EHBP1L1: variants seen among roughly 807,000 people sequenced by gnomAD.
The protein encoded by EHBP1L1 is EH domain-binding protein 1-like protein 1.
In EHBP1L1, 122 loss-of-function variants were observed where a neutral mutation model predicts 151.1. The observed-to-expected ratio is 0.81, with a 90% CI of 0.70 to 0.94. The LOEUF (loss-of-function observed/expected upper bound fraction) is 0.94, where lower values mean the gene tolerates loss of function less well. EHBP1L1 is among the 40% of genes least tolerant of loss of function. The probability of loss-of-function intolerance (pLI) is 0.00; values close to 1 mark genes in which losing one functional copy is unlikely to be tolerated. For missense variants in EHBP1L1, 1,941 were observed against 1,959.8 expected (o/e 0.99, Z 0.18); for synonymous variants, 878 against 810.1 (o/e 1.08, Z -1.42).
chr11:65,584,807 G>C, intron 11 of EHBP1L1, 152 bp from the exon 12 acceptor site: 1 of 1,145,526 alleles, frequency 8.7e-7, no homozygotes, highest in South Asian at 1.5e-5. Flanking sequence ...GGCGGGCCTT[G>C]TTGCTGGATT....
chr11:65,581,825 G>A lies in EHBP1L1; in HGVS notation c.1153G>A (p.Asp385Asn), dbSNP rs1370068870. The A allele has an allele frequency of 6.2e-7, 1 of 1,613,680 alleles. No homozygotes were observed. Among genetic ancestry groups the A allele is most frequent in the Admixed American group, 1.7e-5 (1 of 59,994 alleles). Residue 385 changes from aspartate (D) to asparagine (N), a missense_variant, in exon 9 of 19, where the codon GAC becomes AAC. Coordinates refer to ENST00000309295, the MANE Select transcript of EHBP1L1 (RefSeq NM_001099409.3). The stretch of plus-strand genomic sequence containing the variant: ...CAAGGCTGAAGAGATGGACACTGAG[G>A]ACAGGCCAGAGGCCAGTGGGGTGGA... ...RLKAEEMDTEDRPEASGVDTE... is the reference protein window; with the variant it reads ...RLKAEEMDTENRPEASGVDTE...
At chr11:65,580,939 G>A in intron 6 of EHBP1L1, 119 bp from the exon 7 acceptor site, 3 of 1,458,186 alleles carry the variant, frequency 2.1e-6, no homozygotes, top group South Asian at 1.4e-5. Context: ...CCGGGGCGGT[G>A]CCCTGAGGCC....
In EHBP1L1 at chr11:65,580,233, G is replaced by A; in HGVS notation, c.465G>A (p.Gly155=). ...CTGAGCTGAGCCTCACTCTTTCCGGGGTGCTGCTGCGGGAGGGCCGTGCCA... is the reference window on the plus strand; with the variant it reads ...CTGAGCTGAGCCTCACTCTTTCCGGAGTGCTGCTGCGGGAGGGCCGTGCCA... ...VQAELSLTLS[G]VLLREGRATD... Residue 155 remains glycine (G), a synonymous_variant, in exon 5 of 19, where the codon GGG becomes GGA. Coordinates refer to ENST00000309295, the MANE Select transcript of EHBP1L1 (RefSeq NM_001099409.3). 1 of 1,613,592 alleles carries A rather than the reference G, an allele frequency of 6.2e-7. No individual in the cohort carries two copies. The highest frequency in any genetic ancestry group is 8.5e-7 in the Non-Finnish European group (1 of 1,179,854).
Position 65,585,725 on chromosome 11 carries a change from CT to C in EHBP1L1, c.3933+135del. The stretch of plus-strand genomic sequence containing the variant: ...GGGTGACGGTTTCAGAGTGGCGGGG[CT>C]CGGCTGGACCCAGGAGGGGCTATCT... On this transcript the variant is annotated intron_variant, in intron 12 of 18. Coordinates refer to ENST00000309295, the MANE Select transcript of EHBP1L1 (RefSeq NM_001099409.3). The surrounding 1 kb of genome is among the most constrained non-coding windows in gnomAD (Gnocchi z 4.0). 7.2e-7 allele frequency: 1 copy of C among 1,391,606 alleles called. No homozygotes were observed. Among genetic ancestry groups the C allele is most frequent in the Non-Finnish European group, 9.6e-7 (1 of 1,037,658 alleles). 86.2% of individuals were successfully genotyped at this position (1,391,606 alleles called of 1,614,324 possible).
chr11:65,585,686 CAG>C lies in EHBP1L1; in HGVS notation c.3933+98_3933+99del. 1.3e-6 allele frequency: 2 copies of C among 1,498,928 alleles called. No individual in the cohort carries two copies. Among genetic ancestry groups the C allele is most frequent in the East Asian group, 5.1e-5 (2 of 39,186 alleles). The allele number at this position is 1,498,928 out of a possible 1,614,324, so 92.9% of individuals were successfully genotyped here. A position where few individuals can be genotyped will look rare whatever the true frequency, so the allele number is the denominator to read the frequency against. ...GCGAGCCCCCAAGGGGCCCCAAGGA[CAG>C]AGCTGGCGCGAGGGTGACGGTTTCA... is the stretch of plus-strand genomic sequence containing the variant. On this transcript the variant is annotated intron_variant, in intron 12 of 18. Coordinates refer to ENST00000309295, the MANE Select transcript of EHBP1L1 (RefSeq NM_001099409.3). The surrounding 1 kb of genome is among the most constrained non-coding windows in gnomAD (Gnocchi z 4.0).
chr11:65,585,721 G>A lies in EHBP1L1; in HGVS notation c.3933+130G>A, dbSNP rs73490444. 1.7e-3 allele frequency: 2,444 copies of A among 1,420,884 alleles called. 51 individuals are homozygous for A. The African/African-American group carries it at 0.032, about 19-fold the overall frequency. 88.0% of individuals were successfully genotyped at this position (1,420,884 alleles called of 1,614,324 possible). A position where few individuals can be genotyped will look rare whatever the true frequency, so the allele number is the denominator to read the frequency against. On this transcript the variant is annotated intron_variant, in intron 12 of 18. Transcript: ENST00000309295. This position sits in a 1 kb window ranked among gnomAD's most constrained non-coding sequence, Gnocchi z 4.0. ...GCGAGGGTGACGGTTTCAGAGTGGC[G>A]GGGCTCGGCTGGACCCAGGAGGGGC...
chr11:65,580,940 C>A, intron 6 of EHBP1L1, 118 bp from the exon 7 acceptor site: 1 of 1,459,010 alleles, frequency 6.9e-7, no homozygotes, highest in Admixed American at 2.6e-5. Context: ...CGGGGCGGTG[C>A]CCTGAGGCCA....
chr11:65,576,168 G>A lies in EHBP1L1; in HGVS notation c.-135G>A. ...CGGCGGCAGCGGAGAGCGCGGTCCC[G>A]GGTCGGAGCCTGGGACACCTCCGCA... is the stretch of plus-strand genomic sequence containing the variant. On this transcript the variant is annotated 5_prime_UTR_variant, in exon 1 of 19. Coordinates refer to ENST00000309295, the MANE Select transcript of EHBP1L1 (RefSeq NM_001099409.3). 2 of 646,086 alleles carry A rather than the reference G, an allele frequency of 3.1e-6. No homozygotes were observed. The highest frequency in any genetic ancestry group is 4.5e-6 in the Non-Finnish European group (2 of 448,612). 40.0% of individuals were successfully genotyped at this position (646,086 alleles called of 1,614,324 possible). A position where few individuals can be genotyped will look rare whatever the true frequency, so the allele number is the denominator to read the frequency against.
In EHBP1L1 at chr11:65,592,223, G is replaced by A. The variant is rs529730438; in HGVS notation, c.4493G>A (p.Arg1498His). The change falls in exon 19 of 19, where the codon CGC (arginine) becomes CAC (histidine). Residue 1498 changes from arginine to histidine, a missense_variant. By Grantham distance (29) the Arg-to-His change is conservative. Coordinates refer to ENST00000309295, the MANE Select transcript of EHBP1L1 (RefSeq NM_001099409.3). ...KERIALEEDE[R>H]LERGLEQRRR... ...CCCAGCGCCCTGGAGGAGGACGAGC[G>A]CCTGGAGCGCGGCCTGGAACAGCGG... 76 of 1,544,468 alleles carry A rather than the reference G, an allele frequency of 4.9e-5. No individual in the cohort carries two copies. The Admixed American group carries it at 5.0e-4, about 10-fold the overall frequency.
In EHBP1L1 at chr11:65,583,231, G is replaced by T. The variant is rs202141267; in HGVS notation, c.2559G>T (p.Gly853=). Residue 853 remains glycine, a synonymous_variant, in exon 9 of 19, where the codon GGG becomes GGT. Coordinates refer to ENST00000309295, the MANE Select transcript of EHBP1L1 (RefSeq NM_001099409.3). ...AGGTCGGGGGTTCAGGGATCTCAGG[G>T]CCCGAGGCTGGAATGGCAGAGGCCC... is the stretch of plus-strand genomic sequence containing the variant. The part of the protein sequence containing the change: ...ETEVGGSGIS[G]PEAGMAEARV... The T allele has an allele frequency of 4.7e-5, 76 of 1,613,502 alleles. No homozygotes were observed. The African/African-American group carries it at 8.9e-4, about 19-fold the overall frequency.
intron 12 of EHBP1L1, among the ~76,000 whole-genome samples, chr11:65,586,890 G>A (rs1394245603): frequency 6.6e-6 from 1 of 152,192 alleles, no homozygotes; most frequent in East Asian, 1.9e-4. Context: ...GTGTTTCCAA[G>A]TCAGGCCTTC....
intron 1 of EHBP1L1, chr11:65,578,199 C>T (rs1857419006): frequency 2.0e-5 from 3 of 152,438 alleles, no homozygotes; most frequent in South Asian, 2.1e-4. Flanking sequence ...TTTCTGATTG[C>T]CCTCCAGGCT....
intron 3 of EHBP1L1, among the ~76,000 whole-genome samples, 200 bp from the exon 4 acceptor site, chr11:65,579,736 A>G (rs927680404): frequency 2.6e-5 from 4 of 151,196 alleles, no homozygotes; most frequent in Admixed American, 2.6e-4. Flanking sequence ...CTGAGGCACG[A>G]GAATTGCTTG....
rs189592992 is a variant in EHBP1L1 at position 65,583,162 on chromosome 11, G to A, written c.2490G>A (p.Gly830=). ...GTQEIASRSS[G]VPGLESEVAG... ...AAGAGATAGCATCTAGGAGTTCAGG[G>A]GTCCCAGGGCTAGAATCTGAGGTAG... The change falls in exon 9 of 19, where the codon GGG becomes GGA. Residue 830 remains glycine (G), a synonymous_variant. Transcript: ENST00000309295. 24 of 1,613,018 alleles carry A rather than the reference G, an allele frequency of 1.5e-5. No homozygotes were observed. In the African/African-American group the frequency reaches 2.8e-4, roughly 19 times the overall value.
chr11:65,584,084 A>C (rs1857796484), intron 9 of EHBP1L1, 157 bp from the exon 10 acceptor site: 1 of 1,465,566 alleles, frequency 6.8e-7, no homozygotes, highest in Non-Finnish European at 8.9e-7. Flanking sequence ...TGGATCTAGA[A>C]ACCCTTTTAC....
In EHBP1L1 at chr11:65,576,056, A is replaced by C; in HGVS notation, c.-247A>C. The C allele has an allele frequency of 7.6e-6, 2 of 262,158 alleles. No individual in the cohort carries two copies. Among genetic ancestry groups the C allele is most frequent in the Non-Finnish European group, 1.4e-5 (2 of 140,268 alleles). The allele number at this position is 262,158 out of a possible 1,614,324, so 16.2% of individuals were successfully genotyped here. A position where few individuals can be genotyped will look rare whatever the true frequency, so the allele number is the denominator to read the frequency against. ...CTTCCGACGGGGGTGCGGCTCCAGG[A>C]AACGGCGCGCTCCCAGCTCCGCGCT... On this transcript the variant is annotated 5_prime_UTR_variant, in exon 1 of 19. Coordinates refer to ENST00000309295, the MANE Select transcript of EHBP1L1 (RefSeq NM_001099409.3).
At chr11:65,578,610 C>T (rs188298012) in intron 1 of EHBP1L1, among the ~76,000 whole-genome samples, 3 of 152,230 alleles carry the variant, frequency 2.0e-5, no homozygotes, top group Non-Finnish European at 4.4e-5. Flanking sequence ...CTCCTCTGTC[C>T]CCAAAACTGG....
In EHBP1L1 at chr11:65,582,110, C is replaced by G; in HGVS notation, c.1438C>G (p.Leu480Val). 6.2e-7 allele frequency: 1 copy of G among 1,602,010 alleles called. No homozygotes were observed. Among genetic ancestry groups the G allele is most frequent in the Non-Finnish European group, 8.5e-7 (1 of 1,174,262 alleles). ...TRDEAPSGLS[L>V]PPAEPAGHSG... ...GGATGAGGCTCCCTCAGGCCTGAGC[C>G]TGCCCCCAGCGGAGCCTGCAGGGCA... Residue 480 changes from leucine (L) to valine (V), a missense_variant, in exon 9 of 19, where the codon CTG becomes GTG. Transcript: ENST00000309295.
At position 65,583,210 on chromosome 11, in the gene EHBP1L1, CG is replaced by C; in HGVS notation, c.2543del (p.Gly848ValfsTer17). On this transcript the variant is annotated frameshift_variant, in exon 9 of 19. Transcript: ENST00000309295. LOFTEE classifies it high-confidence loss of function. ...EVAGAQETEVGGSGISGPEAG... is the reference protein window; with the variant it reads ...EVAGAQETEVXGSGISGPEAG... Reference sequence around the variant, plus strand: ...TAGCTGGGGCCCAGGAGACAGAGGTCGGGGGTTCAGGGATCTCAGGGCCCGA... The same window carrying C: ...TAGCTGGGGCCCAGGAGACAGAGGTCGGGGTTCAGGGATCTCAGGGCCCGA... 6.2e-7 allele frequency: 1 copy of C among 1,612,838 alleles called. No homozygotes were observed. The highest frequency in any genetic ancestry group is 8.5e-7 in the Non-Finnish European group (1 of 1,179,648).
Sources: allele counts gnomAD v4.1 joint callset (sites outside exome capture counted in the v4.1 genomes callset), GRCh38; gene constraint gnomAD v4.1.1; non-coding constraint Gnocchi (gnomAD v3.1); transcripts MANE v1.5; gene names NCBI Gene and HGNC (gene_info 2026-07-23, HGNC 2026-07-21).